BCL2L1: variants seen among roughly 807,000 people sequenced by gnomAD.
The protein encoded by BCL2L1 is bcl-2-like protein 1.
A neutral mutation model predicts 18.7 loss-of-function variants in BCL2L1; 1 was observed. The ratio of observed to expected loss-of-function variants is 0.05; its 90% CI spans 0.02 to 0.25. The LOEUF is 0.25. Among genes scored for constraint, BCL2L1 ranks in the 10% least tolerant of loss-of-function variants. The pLI, the probability that BCL2L1 is intolerant of heterozygous loss-of-function variation, is 1.00. For synonymous variants in BCL2L1, 103 were observed against 122.7 expected (o/e 0.84, Z 1.06); for missense variants, 207 against 304.9 (o/e 0.68, Z 2.39).
At chr20:31,697,291 T>C (rs1223926388) in intron 2 of BCL2L1, among the ~76,000 whole-genome samples, 2 of 152,070 alleles carry the variant, frequency 1.3e-5, no homozygotes, top group African/African-American at 4.8e-5. Flanking sequence ...TGGGGAAGGC[T>C]TCCTGGAAAA....
chr20:31,723,959 G>C (rs1249423446), upstream of BCL2L1: 1 of 985,464 alleles, frequency 1.0e-6, no homozygotes, highest in East Asian at 1.1e-4. Flanking sequence ...TTCCGGTGCC[G>C]CGGCAACGCG....
intron 2 of BCL2L1, among the ~76,000 whole-genome samples, chr20:31,674,708 A>G (rs1312289826): frequency 3.3e-5 from 5 of 151,968 alleles, no homozygotes; most frequent in South Asian, 2.1e-4. Flanking sequence ...CCATCTCTAT[A>G]AGAAAAATCT....
Position 31,692,079 on chromosome 20 carries a change from G to A in BCL2L1, c.565-25993C>T, listed in dbSNP as rs186214198. 2.0e-5 allele frequency among the ~76,000 whole-genome samples: 3 copies of A among 152,352 alleles called. No homozygotes were observed. In the East Asian group the frequency reaches 5.8e-4, roughly 29 times the overall value. Reference sequence around the variant, plus strand: ...AGGACCAAGAGTGGCAGCATCAGCTGAGAAGTTGTTAGAAGTGCAAATTCT... The same window carrying A: ...AGGACCAAGAGTGGCAGCATCAGCTAAGAAGTTGTTAGAAGTGCAAATTCT... On this transcript the variant is annotated intron_variant, in intron 2 of 2. Coordinates refer to ENST00000307677, the MANE Select transcript of BCL2L1 (RefSeq NM_138578.3).
At chr20:31,711,324 A>G (rs1331733600) in intron 2 of BCL2L1, among the ~76,000 whole-genome samples, 1 of 152,222 alleles carries the variant, frequency 6.6e-6, no homozygotes. Flanking sequence ...CAAGGAGTCA[A>G]GCTGTCTCAA....
chr20:31,693,527 C>T (rs959907179), intron 2 of BCL2L1, among the ~76,000 whole-genome samples: 1 of 151,856 alleles, frequency 6.6e-6, no homozygotes, highest in Non-Finnish European at 1.5e-5. Context: ...CTAAGGTACT[C>T]ACGTTTATTT....
chr20:31,682,436 T>C (rs1404236493), intron 2 of BCL2L1, among the ~76,000 whole-genome samples: 1 of 152,144 alleles, frequency 6.6e-6, no homozygotes, highest in African/African-American at 2.4e-5. Context: ...TGTGATTCTG[T>C]TATTATTTAC....
rs1600732316 is a variant in BCL2L1, at chr20:31,664,688, CA to C, written c.*1260del. The stretch of plus-strand genomic sequence containing the variant: ...CGCGCACTGCAAGCCAGCAGCTCCT[CA>C]CACATAAATACAGACACGCTTAACA... On this transcript the variant is annotated 3_prime_UTR_variant, in exon 3 of 3. Coordinates refer to ENST00000307677, the MANE Select transcript of BCL2L1 (RefSeq NM_138578.3). The C allele has an allele frequency of 9.3e-6, 2 of 215,876 alleles. No individual in the cohort carries two copies. The highest frequency in any genetic ancestry group is 1.9e-5 in the Non-Finnish European group (2 of 106,606). The allele number at this position is 215,876 out of a possible 1,614,324, so 13.4% of individuals were successfully genotyped here.
intron 2 of BCL2L1, among the ~76,000 whole-genome samples, chr20:31,713,822 G>A (rs1167497711): frequency 1.3e-5 from 2 of 152,214 alleles, no homozygotes; most frequent in Non-Finnish European, 2.9e-5. Flanking sequence ...ACTTGCCCAA[G>A]GTCACACAGC....
rs988803844 is a variant in BCL2L1 at position 31,695,617 on chromosome 20, T to C, written c.564+26038A>G. 2.6e-5 allele frequency among the ~76,000 whole-genome samples: 4 copies of C among 152,338 alleles called. No individual in the cohort carries two copies. The East Asian group carries it at 5.8e-4, about 22-fold the overall frequency. ...GAGTAGCTAGCTAGGACTACAGACA[T>C]GCACCACTATGCCCAACTAAACTCT... On this transcript the variant is annotated intron_variant, in intron 2 of 2. Transcript: ENST00000307677.
intron 2 of BCL2L1, among the ~76,000 whole-genome samples, chr20:31,719,607 C>T (rs1021959465): frequency 1.3e-5 from 2 of 152,194 alleles, no homozygotes; most frequent in African/African-American, 4.8e-5. Context: ...GGTATGTTGT[C>T]CAACAGGCTC....
intron 2 of BCL2L1, among the ~76,000 whole-genome samples, chr20:31,694,687 C>T (rs1046554714): frequency 6.6e-6 from 1 of 152,144 alleles, no homozygotes; most frequent in Non-Finnish European, 1.5e-5. Context: ...ATACAAATTA[C>T]CCTCATTTAG....
chr20:31,680,174 ATGAGACTTTGCC>A (rs2060835130), intron 2 of BCL2L1, among the ~76,000 whole-genome samples: 1 of 152,230 alleles, frequency 6.6e-6, no homozygotes, highest in Non-Finnish European at 1.5e-5. Context: ...CAGCGAAGTG[ATGAGACTTTGCC>A]TGAGGCCCCT....
At position 31,687,012 on chromosome 20, in the gene BCL2L1, T is replaced by G. The variant is rs150731822; in HGVS notation, c.565-20926A>C. On this transcript the variant is annotated intron_variant, in intron 2 of 2. Coordinates refer to ENST00000307677, the MANE Select transcript of BCL2L1 (RefSeq NM_138578.3). ...TAACATGTTTCCCAAGAAGGATTAT[T>G]GTGAAGATTAAAAATACTACACTGG... Among the ~76,000 whole-genome samples, 750 of 152,306 alleles carry G rather than the reference T, an allele frequency of 4.9e-3. 1 individual carries two copies. Among genetic ancestry groups the G allele is most frequent in the African/African-American group, 0.016 (659 of 41,570 alleles).
intron 2 of BCL2L1, among the ~76,000 whole-genome samples, chr20:31,697,890 C>CTGTTTTTTTTTTTTTTGTTTGTTTGTT (rs1555871481): frequency 2.5e-5 from 2 of 78,818 alleles, no homozygotes; most frequent in African/African-American, 2.3e-4. Context: ...TGTGCTGTTG[C>CTGTTTTTTTTTTTTTTGTTTGTTTGTT]TGTTTTTTTT....
intron 2 of BCL2L1, among the ~76,000 whole-genome samples, chr20:31,676,161 C>T (rs1481947582): frequency 6.6e-6 from 1 of 152,128 alleles, no homozygotes; most frequent in Non-Finnish European, 1.5e-5. Context: ...TTACTGGGGG[C>T]AGAGATGCTC....
At chr20:31,713,703 T>C in intron 2 of BCL2L1, 5 of 518,412 alleles carry the variant, frequency 9.6e-6, no homozygotes, top group Non-Finnish European at 1.2e-5. Flanking sequence ...AGAAGCCAGA[T>C]GATGTGAGTG....
At chr20:31,667,001 C>T (rs2060598157) in intron 2 of BCL2L1, among the ~76,000 whole-genome samples, 1 of 152,156 alleles carries the variant, frequency 6.6e-6, no homozygotes, top group Non-Finnish European at 1.5e-5. Flanking sequence ...CCAATTTGTC[C>T]TTTAATCCTC....
intron 2 of BCL2L1, among the ~76,000 whole-genome samples, chr20:31,694,641 G>A (rs2061137932): frequency 6.6e-6 from 1 of 152,054 alleles, no homozygotes; most frequent in African/African-American, 2.4e-5. Flanking sequence ...TCTTACTGAA[G>A]GTTTACCATA....
Position 31,722,601 on chromosome 20 carries a change from T to TC in BCL2L1, c.-131+16dup, listed in dbSNP as rs2061655155. The TC allele has an allele frequency of 6.5e-6, 1 of 154,888 alleles. No individual in the cohort carries two copies. Among genetic ancestry groups the TC allele is most frequent in the African/African-American group, 2.5e-5 (1 of 40,348 alleles). 9.6% of individuals were successfully genotyped at this position (154,888 alleles called of 1,614,324 possible). A position where few individuals can be genotyped will look rare whatever the true frequency, so the allele number is the denominator to read the frequency against. ...GCAGTCCCCCCCGCCCCACTCCCGCTCCCCCGCACCACCTACATTCAAATC... is the reference window on the plus strand; with the variant it reads ...GCAGTCCCCCCCGCCCCACTCCCGCTCCCCCCGCACCACCTACATTCAAATC... On this transcript the variant is annotated intron_variant, in intron 1 of 2. Coordinates refer to ENST00000307677, the MANE Select transcript of BCL2L1 (RefSeq NM_138578.3).
Sources: allele counts gnomAD v4.1 joint callset (sites outside exome capture counted in the v4.1 genomes callset), GRCh38; gene constraint gnomAD v4.1.1; transcripts MANE v1.5; gene names NCBI Gene and HGNC (gene_info 2026-07-23, HGNC 2026-07-21).